The following ABCD2 variants were observed in gnomAD, a reference collection of about 807,000 sequenced individuals.
ABCD2 encodes ATP-binding cassette sub-family D member 2.
In ABCD2, 36 loss-of-function variants were observed where a neutral mutation model predicts 70.9. That is an observed-to-expected ratio of 0.51 (90% CI 0.39 to 0.67). ABCD2 has a LOEUF of 0.67. ABCD2 is among the 30% of genes least tolerant of loss of function. The pLI is 0.00. For missense variants in ABCD2, 729 were observed against 890.2 expected (o/e 0.82, Z 2.30); for synonymous variants, 304 against 306.9 (o/e 0.99, Z 0.10).
chr12:39,560,953 CACTT>C (rs1380150900), intron 9 of ABCD2, among the ~76,000 whole-genome samples: 3 of 151,962 alleles, frequency 2.0e-5, no homozygotes, highest in Non-Finnish European at 4.4e-5. Context: ...TAAAGAAAAT[CACTT>C]ACCCACAAAG....
At chr12:39,600,014 T>C (rs1307792436) in intron 6 of ABCD2, among the ~76,000 whole-genome samples, 3 of 152,180 alleles carry the variant, frequency 2.0e-5, no homozygotes, top group Non-Finnish European at 4.4e-5. Context: ...TCAGGGAAGA[T>C]GATAGCTAAA....
chr12:39,535,340 C>T, the ABCD2 span, among the ~76,000 whole-genome samples: 13 of 152,150 alleles, frequency 8.5e-5, no homozygotes, highest in Admixed American at 5.9e-4. Context: ...TTTTTCAAAT[C>T]ACTAGACCTC....
At chr12:39,600,767 T>G (rs1411375821) in intron 5 of ABCD2, 51 bp from the exon 6 acceptor site, 48 of 1,488,410 alleles carry the variant, frequency 3.2e-5, no homozygotes, top group Non-Finnish European at 4.3e-5. Context: ...ATGATTTATT[T>G]TGGCAGCACC....
the ABCD2 span, chr12:39,539,466 T>C: frequency 3.0e-3 from 460 of 153,218 alleles, 1 homozygote; most frequent in Non-Finnish European, 5.4e-3. Context: ...CCTTTAGCTA[T>C]AGTTTTCTGC....
chr12:39,614,741 C>T (rs1019360663), intron 2 of ABCD2, among the ~76,000 whole-genome samples: 6 of 152,024 alleles, frequency 3.9e-5, no homozygotes, highest in Admixed American at 1.3e-4. Flanking sequence ...TAAAGTCACT[C>T]GGTATTTTCA....
At chr12:39,571,337 G>A (rs989305019) in intron 9 of ABCD2, among the ~76,000 whole-genome samples, 4 of 152,038 alleles carry the variant, frequency 2.6e-5, no homozygotes, top group Admixed American at 2.6e-4. Context: ...ATCAATGGAT[G>A]AAAAGATAAA....
intron 6 of ABCD2, among the ~76,000 whole-genome samples, chr12:39,595,955 A>G (rs533354891): frequency 1.4e-4 from 22 of 152,354 alleles, no homozygotes; most frequent in Non-Finnish European, 2.4e-4. Context: ...AACTTCAGCT[A>G]AAAGAAACAG....
chr12:39,562,901 G>T (rs1941281408), intron 9 of ABCD2, among the ~76,000 whole-genome samples: 1 of 152,102 alleles, frequency 6.6e-6, no homozygotes, highest in African/African-American at 2.4e-5. Flanking sequence ...GAACATAGGT[G>T]CAAAAATCAT....
At chr12:39,598,003 A>G (rs1227987223) in intron 6 of ABCD2, among the ~76,000 whole-genome samples, 1 of 152,214 alleles carries the variant, frequency 6.6e-6, no homozygotes, top group Non-Finnish European at 1.5e-5. Flanking sequence ...CAGCTTTCCA[A>G]GCTTATGAAC....
At chr12:39,616,751 A>G (rs1290220483) in intron 2 of ABCD2, among the ~76,000 whole-genome samples, 1 of 152,114 alleles carries the variant, frequency 6.6e-6, no homozygotes, top group African/African-American at 2.4e-5. Flanking sequence ...AACTCCGAGA[A>G]ACACTGCATC....
Position 39,553,944 on chromosome 12 carries a change from T to C in ABCD2, c.2191A>G (p.Lys731Glu). ...GTCTCATCTTCATTTTTAATTGTTT[T>C]CAGCACTGAGTCTTCTCCCAAAATT... ...CKILGEDSVLKTIKNEDETS is the reference protein window; with the variant it reads ...CKILGEDSVLETIKNEDETS Residue 731 changes from lysine (K) to glutamate (E), a missense_variant, in exon 10 of 10, where the codon AAA becomes GAA. Transcript: ENST00000308666. 1 of 1,612,450 alleles carries C rather than the reference T, an allele frequency of 6.2e-7. No homozygotes were observed. Among genetic ancestry groups the C allele is most frequent in the Admixed American group, 1.7e-5 (1 of 59,866 alleles).
At chr12:39,591,066 A>C (rs988631405) in intron 6 of ABCD2, among the ~76,000 whole-genome samples, 1 of 152,208 alleles carries the variant, frequency 6.6e-6, no homozygotes, top group African/African-American at 2.4e-5. Flanking sequence ...AACTGTATTT[A>C]AGGCATGAGA....
chr12:39,584,067 G>A (rs750162978), intron 7 of ABCD2, among the ~76,000 whole-genome samples: 38 of 152,238 alleles, frequency 2.5e-4, no homozygotes, highest in African/African-American at 7.9e-4. Context: ...GGGTGAAATG[G>A]TAGTTCTGTT....
chr12:39,618,252 A>C (rs1418896629), intron 1 of ABCD2, among the ~76,000 whole-genome samples: 4 of 152,192 alleles, frequency 2.6e-5, no homozygotes, highest in Non-Finnish European at 5.9e-5. Context: ...ACAACAAAGG[A>C]ACAACAAAGA....
At position 39,552,785 on chromosome 12, in the gene ABCD2, C is replaced by A. The variant is rs1318779593; in HGVS notation, c.*1127G>T. ...ATTTTATTTTCTACACTTCGTCTAA[C>A]TTTTATTGCTATTATAGCCCAGTTT... On this transcript the variant is annotated 3_prime_UTR_variant, in exon 10 of 10. Transcript: ENST00000308666. The A allele has an allele frequency of 6.6e-6, 1 of 151,888 alleles. No individual in the cohort carries two copies. Among genetic ancestry groups the A allele is most frequent in the Non-Finnish European group, 1.5e-5 (1 of 67,866 alleles). 9.4% of individuals were successfully genotyped at this position (151,888 alleles called of 1,614,324 possible).
chr12:39,560,820 T>C (rs922865163), intron 9 of ABCD2, among the ~76,000 whole-genome samples: 2 of 152,042 alleles, frequency 1.3e-5, no homozygotes, highest in African/African-American at 4.8e-5. Flanking sequence ...CAAAAACATA[T>C]AATAGGTACA....
the ABCD2 span, among the ~76,000 whole-genome samples, chr12:39,543,691 G>A: frequency 1.3e-5 from 2 of 152,198 alleles, no homozygotes; most frequent in South Asian, 2.1e-4. Context: ...GCCATCTGAC[G>A]TTTGGAACCT....
chr12:39,533,755 C>T, the ABCD2 span, among the ~76,000 whole-genome samples: 2 of 152,206 alleles, frequency 1.3e-5, no homozygotes, highest in Non-Finnish European at 1.5e-5. Context: ...CTCCCTAACA[C>T]GTCTTGTTTC....
chr12:39,540,750 T>C, the ABCD2 span, among the ~76,000 whole-genome samples: 1 of 152,224 alleles, frequency 6.6e-6, no homozygotes, highest in Non-Finnish European at 1.5e-5. Flanking sequence ...ACTCAACCAA[T>C]TGTCAACCAG....
Sources: gnomAD v4.1 joint callset for allele counts (sites outside exome capture counted in the v4.1 genomes callset) on GRCh38, gnomAD v4.1.1 for gene constraint, MANE v1.5 for transcripts, NCBI Gene and HGNC (gene_info 2026-07-23, HGNC 2026-07-21) for gene names.